The following WDR26 variants were observed in gnomAD, a reference collection of about 807,000 sequenced individuals.
WDR26 encodes the protein WD repeat-containing protein 26.
Under a neutral mutation model 84.1 loss-of-function variants are expected in WDR26, and 5 were observed. That is an observed-to-expected ratio of 0.06 (90% confidence interval 0.03 to 0.13). The LOEUF is 0.13. Among genes scored for constraint, WDR26 ranks in the 10% least tolerant of loss-of-function variants. WDR26 has a pLI of 1.00. For missense variants in WDR26, 642 were observed against 974.9 expected (o/e 0.66, Z 4.55); for synonymous variants, 415 against 389.6 (o/e 1.07, Z -0.77).
chr1:224,417,528 C>T (rs186342645), intron 6 of WDR26, among the ~76,000 whole-genome samples: 1 of 152,166 alleles, frequency 6.6e-6, no homozygotes, highest in Non-Finnish European at 1.5e-5. Context: ...GGGCAAGAGA[C>T]CCCATCTCTA....
At chr1:224,429,731 A>T (rs1407024283) in intron 3 of WDR26, 1 of 152,184 alleles carries the variant, frequency 6.6e-6, no homozygotes. Flanking sequence ...CTACAGACTG[A>T]ACAGGCTGTA....
At chr1:224,414,430 A>G (rs529980072) in intron 6 of WDR26, among the ~76,000 whole-genome samples, 33 of 152,228 alleles carry the variant, frequency 2.2e-4, no homozygotes, top group East Asian at 2.1e-3. Context: ...AATCTAATAA[A>G]CCTTTTCAAT....
At position 224,424,541 on chromosome 1, in the gene WDR26, T is replaced by G. The variant is rs1674157493; in HGVS notation, c.1041A>C (p.Thr347=). 1 of 1,614,034 alleles carries G rather than the reference T, an allele frequency of 6.2e-7. No homozygotes were observed. Among genetic ancestry groups the G allele is most frequent in the Admixed American group, 1.7e-5 (1 of 60,022 alleles). Residue 347 remains threonine (T), a synonymous_variant, in exon 4 of 14, where the codon ACA becomes ACC. Transcript: ENST00000414423. ...ACCCACTAAGAACATGAATGCGCTC[T>G]GTATTGTATTTCAGCGGCGTCAATT...
At chr1:224,402,320 T>C (rs1049284918) in intron 8 of WDR26, among the ~76,000 whole-genome samples, 3 of 152,138 alleles carry the variant, frequency 2.0e-5, no homozygotes, top group East Asian at 1.9e-4. Flanking sequence ...ATATAAACAG[T>C]TGAAAGTTTA....
chr1:224,401,521 A>C (rs1673412175), intron 8 of WDR26, among the ~76,000 whole-genome samples: 1 of 151,864 alleles, frequency 6.6e-6, no homozygotes, highest in African/African-American at 2.4e-5. Flanking sequence ...ATGAGTAAAA[A>C]ACTGTACCCA....
rs1425959837 is a variant in WDR26 at position 224,386,411 on chromosome 1, T to C, written c.*3424A>G. 6.6e-6 allele frequency: 1 copy of C among 152,610 alleles called. No individual in the cohort carries two copies. Among genetic ancestry groups the C allele is most frequent in the Non-Finnish European group, 1.5e-5 (1 of 68,020 alleles). The allele number at this position is 152,610 out of a possible 1,614,324, so 9.5% of individuals were successfully genotyped here. A position where few individuals can be genotyped will look rare whatever the true frequency, so the allele number is the denominator to read the frequency against. On this transcript the variant is annotated 3_prime_UTR_variant, in exon 14 of 14. Transcript: ENST00000414423. ...TCTTCTACTGTGAAAGAAACTGACA[T>C]GGATATTTTCCCTTTCAAGAGATGT...
At position 224,434,561 on chromosome 1, in the gene WDR26, C is replaced by A; in HGVS notation, c.-156G>T. The A allele has an allele frequency of 2.3e-6, 1 of 441,676 alleles. No individual in the cohort carries two copies. Among genetic ancestry groups the A allele is most frequent in the Non-Finnish European group, 3.0e-6 (1 of 337,468 alleles). 27.4% of individuals were successfully genotyped at this position (441,676 alleles called of 1,614,324 possible). A position where few individuals can be genotyped will look rare whatever the true frequency, so the allele number is the denominator to read the frequency against. The stretch of plus-strand genomic sequence containing the variant: ...GGAGGAGGAGGGGGAGAAGGAGGAT[C>A]CGGGCCCTTTCCCCCCCCCCTCCCG... On this transcript the variant is annotated 5_prime_UTR_variant, in exon 1 of 14. Transcript: ENST00000414423.
In WDR26 at chr1:224,424,123, G is replaced by A. The variant is rs1436346653; in HGVS notation, c.1064+395C>T. Among the ~76,000 whole-genome samples the A allele has an allele frequency of 3.3e-5, 5 of 152,236 alleles. No individual in the cohort carries two copies. The East Asian group carries it at 9.7e-4, about 29-fold the overall frequency. On this transcript the variant is annotated intron_variant, in intron 4 of 13. Coordinates refer to ENST00000414423, the MANE Select transcript of WDR26 (RefSeq NM_001379403.1). The stretch of plus-strand genomic sequence containing the variant: ...TGTTTATGTGAAAAGCTTAGCAAGG[G>A]CCTGGCACATGACAAGTATTCACTT...
intron 7 of WDR26, among the ~76,000 whole-genome samples, chr1:224,406,280 T>C (rs988939717): frequency 3.9e-5 from 6 of 152,054 alleles, no homozygotes; most frequent in Non-Finnish European, 7.4e-5. Context: ...GTTTAGGGGA[T>C]AGGGATGGAT....
In WDR26 at chr1:224,433,870, C is replaced by T; in HGVS notation, c.536G>A (p.Gly179Glu). The T allele has an allele frequency of 6.5e-7, 1 of 1,536,982 alleles. No individual in the cohort carries two copies. The highest frequency in any genetic ancestry group is 8.7e-7 in the Non-Finnish European group (1 of 1,146,790). ...TGCGGCGGCCGCCCCGCCGGGAACC[C>T]CGTTATTGACATTCAGGCTGTTGCT... Residue 179 changes from glycine (G) to glutamate (E), a missense_variant, in exon 1 of 14, where the codon GGG becomes GAG. By Grantham distance (98) the Gly-to-Glu change is moderately conservative. Around this residue, in one of 2 missense-constraint regions of WDR26, gnomAD observed 291 missense variants for 302.1 expected, o/e 0.96. Coordinates refer to ENST00000414423, the MANE Select transcript of WDR26 (RefSeq NM_001379403.1).
chr1:224,432,816 T>C (rs540995779), intron 1 of WDR26, among the ~76,000 whole-genome samples: 47 of 152,278 alleles, frequency 3.1e-4, no homozygotes, highest in Non-Finnish European at 6.5e-4. Flanking sequence ...TGCACCTCCT[T>C]CATCAGGCAC....
intron 4 of WDR26, among the ~76,000 whole-genome samples, chr1:224,423,716 C>T (rs1249567571): frequency 1.3e-5 from 2 of 152,204 alleles, no homozygotes; most frequent in Admixed American, 6.5e-5. Flanking sequence ...CCACTGCACA[C>T]CAGCCTCATA....
At chr1:224,426,068 G>A (rs1190883537) in intron 3 of WDR26, among the ~76,000 whole-genome samples, 1 of 152,118 alleles carries the variant, frequency 6.6e-6, no homozygotes, top group Non-Finnish European at 1.5e-5. Flanking sequence ...ATGTTGGCCA[G>A]GCTGGTCTTG....
rs1491027542 is a variant in WDR26, at chr1:224,413,206, AAC to A, written c.1320-1643_1320-1642del. ...AGTCTCAAACAACAACAACAACAAA[AAC>A]CCCCCCCCCCAAAAAAAACGTTATT... On this transcript the variant is annotated intron_variant, in intron 6 of 13. Coordinates refer to ENST00000414423, the MANE Select transcript of WDR26 (RefSeq NM_001379403.1). 242 of 785,198 alleles carry A rather than the reference AAC, an allele frequency of 3.1e-4. 3 individuals are homozygous for A. The highest frequency in any genetic ancestry group is 1.6e-3 in the African/African-American group (84 of 53,506). The allele number at this position is 785,198 out of a possible 1,614,324, so 48.6% of individuals were successfully genotyped here.
chr1:224,416,418 G>C (rs750559124), intron 6 of WDR26, among the ~76,000 whole-genome samples: 3 of 151,826 alleles, frequency 2.0e-5, no homozygotes, highest in South Asian at 2.1e-4. Flanking sequence ...AGAAGAGACA[G>C]GGTTTCACCA....
At chr1:224,409,315 A>G (rs1673667711) in intron 7 of WDR26, among the ~76,000 whole-genome samples, 1 of 152,228 alleles carries the variant, frequency 6.6e-6, no homozygotes, top group South Asian at 2.1e-4. Flanking sequence ...ACATATCAAT[A>G]TAGTTGGCTT....
At chr1:224,391,790 TG>T (rs1276587373) in intron 13 of WDR26, among the ~76,000 whole-genome samples, 2 of 152,180 alleles carry the variant, frequency 1.3e-5, no homozygotes, top group Non-Finnish European at 2.9e-5. Context: ...AAAAGTGTTT[TG>T]GGGGTGGAGG....
At chr1:224,422,875 CAAAGTT>C (rs1674104623) in intron 4 of WDR26, among the ~76,000 whole-genome samples, 1 of 152,064 alleles carries the variant, frequency 6.6e-6, no homozygotes, top group South Asian at 2.1e-4. Flanking sequence ...CCATACATGT[CAAAGTT>C]AAAAGACAAA....
intron 7 of WDR26, among the ~76,000 whole-genome samples, chr1:224,405,753 C>T (rs1673531690): frequency 6.6e-6 from 1 of 152,188 alleles, no homozygotes; most frequent in Non-Finnish European, 1.5e-5. Context: ...GCAAGCTGAA[C>T]TGTGAAGTGC....
Sources: allele counts gnomAD v4.1 joint callset (sites outside exome capture counted in the v4.1 genomes callset), GRCh38; gene constraint gnomAD v4.1.1; regional missense constraint gnomAD v4.1.1; transcripts MANE v1.5; gene names NCBI Gene and HGNC (gene_info 2026-07-23, HGNC 2026-07-21).